LRP1B: variants seen among roughly 807,000 people sequenced by gnomAD.
LRP1B encodes the protein low-density lipoprotein receptor-related protein 1B.
A neutral mutation model predicts 556.6 loss-of-function variants in LRP1B; 217 were observed. The observed-to-expected ratio is 0.39, with a 90% CI of 0.35 to 0.44. The LOEUF (loss-of-function observed/expected upper bound fraction) is 0.44, where lower values mean the gene tolerates loss of function less well. Among genes scored for constraint, LRP1B ranks in the 20% least tolerant of loss-of-function variants. The pLI is 1.00. For synonymous variants in LRP1B, 2,047 were observed against 1,865.8 expected (o/e 1.10, Z -2.50); for missense variants, 5,053 against 5,620.8 (o/e 0.90, Z 3.23).
intron 41 of LRP1B, among the ~76,000 whole-genome samples, chr2:140,615,808 C>G (rs1011502481): frequency 6.6e-6 from 1 of 150,722 alleles, no homozygotes; most frequent in Non-Finnish European, 1.5e-5. Context: ...TAATATTTTG[C>G]CCAAACTGCT....
intron 32 of LRP1B, among the ~76,000 whole-genome samples, chr2:140,808,937 T>C (rs1304689544): frequency 7.9e-5 from 12 of 152,178 alleles, no homozygotes; most frequent in Non-Finnish European, 1.5e-5. Flanking sequence ...AAGGGGCTTA[T>C]TCTCCTCTGT....
intron 1 of LRP1B, among the ~76,000 whole-genome samples, chr2:141,839,051 A>G (rs1697380265): frequency 6.6e-6 from 1 of 152,194 alleles, no homozygotes; most frequent in Non-Finnish European, 1.5e-5. Flanking sequence ...ATATGCTTAC[A>G]TTGATAGGTA....
intron 7 of LRP1B, among the ~76,000 whole-genome samples, chr2:141,175,396 T>A (rs1222593663): frequency 2.0e-5 from 3 of 152,168 alleles, no homozygotes; most frequent in Non-Finnish European, 4.4e-5. Flanking sequence ...CTATGCAGCC[T>A]TGGGACTTGA....
At chr2:140,660,077 AAGTGT>A (rs1685035979) in intron 41 of LRP1B, among the ~76,000 whole-genome samples, 1 of 152,016 alleles carries the variant, frequency 6.6e-6, no homozygotes, top group South Asian at 2.1e-4. Flanking sequence ...GTTTTTCAAA[AAGTGT>A]ATATTATTAG....
chr2:140,716,764 A>C lies in LRP1B; in HGVS notation c.5811T>G (p.Ala1937=), dbSNP rs1320588785. Reference sequence around the variant, plus strand: ...CTTCTTTCCAAGTCTGATCTCTTTTAGCTCTGCTAATTTTATTGAAGCCCA... The same window carrying C: ...CTTCTTTCCAAGTCTGATCTCTTTTCGCTCTGCTAATTTTATTGAAGCCCA... ...TDMGFNKISR[A]KRDQTWKEDI... is the part of the protein sequence containing the mutation. The change falls in exon 36 of 91, where the codon GCT becomes GCG. Residue 1937 remains alanine, a synonymous_variant. Transcript: ENST00000389484. The C allele has an allele frequency of 1.2e-6, 2 of 1,610,080 alleles. No individual in the cohort carries two copies. Among genetic ancestry groups the C allele is most frequent in the South Asian group, 2.2e-5 (2 of 90,948 alleles).
chr2:141,818,031 A>C (rs1466115713), intron 1 of LRP1B, among the ~76,000 whole-genome samples: 4 of 152,194 alleles, frequency 2.6e-5, no homozygotes, highest in African/African-American at 9.6e-5. Flanking sequence ...AAACACTGTG[A>C]CTTATGTTTT....
chr2:142,058,928 A>C (rs1390645942), intron 1 of LRP1B, among the ~76,000 whole-genome samples: 3 of 152,076 alleles, frequency 2.0e-5, no homozygotes, highest in Non-Finnish European at 4.4e-5. Flanking sequence ...TTTTTCTACC[A>C]CAAGTTCCAC....
chr2:140,939,757 C>T (rs1296151529), intron 20 of LRP1B, among the ~76,000 whole-genome samples: 1 of 151,544 alleles, frequency 6.6e-6, no homozygotes, highest in African/African-American at 2.4e-5. Flanking sequence ...GTCCCCTCAA[C>T]ATGAAAATCC....
At position 141,826,405 on chromosome 2, in the gene LRP1B, G is replaced by A. The variant is rs1696927286; in HGVS notation, c.83-16004C>T. On this transcript the variant is annotated intron_variant, in intron 1 of 90. Coordinates refer to ENST00000389484, the MANE Select transcript of LRP1B (RefSeq NM_018557.3). ...GACGGAGTCTCGCTCTGTCCCCCAG[G>A]CTGGAGTGCAGTGGCGCCATCTCGG... is the stretch of plus-strand genomic sequence containing the variant. Among the ~76,000 whole-genome samples, 3 of 133,234 alleles carry A rather than the reference G, an allele frequency of 2.3e-5. No individual in the cohort carries two copies. The Admixed American group carries it at 2.6e-4, about 12-fold the overall frequency. The allele number at this position is 133,234 out of a possible 152,430, so 87.4% of individuals were successfully genotyped here.
intron 84 of LRP1B, among the ~76,000 whole-genome samples, chr2:140,285,232 T>A (rs1005480921): frequency 6.6e-6 from 1 of 150,740 alleles, no homozygotes; most frequent in African/African-American, 2.4e-5. Flanking sequence ...TAGATAGGTA[T>A]ATGTATCTAC....
chr2:141,795,868 A>G (rs1245155852), intron 2 of LRP1B, among the ~76,000 whole-genome samples: 1 of 79,476 alleles, frequency 1.3e-5, no homozygotes, highest in African/African-American at 4.6e-5. Context: ...ATATATATAT[A>G]TATATATATA....
intron 2 of LRP1B, among the ~76,000 whole-genome samples, chr2:141,765,434 C>T (rs1558861046): frequency 6.6e-6 from 1 of 151,458 alleles, no homozygotes; most frequent in Non-Finnish European, 1.5e-5. Flanking sequence ...CAGTTTAATT[C>T]AGAAACAATT....
intron 2 of LRP1B, among the ~76,000 whole-genome samples, chr2:141,481,505 C>T (rs1682917278): frequency 1.3e-5 from 2 of 152,284 alleles, no homozygotes; most frequent in Middle Eastern, 3.4e-3. Context: ...AATCAGAACT[C>T]TGCCGAATCC....
chr2:141,903,856 T>C (rs935518998), intron 1 of LRP1B, among the ~76,000 whole-genome samples: 1 of 151,994 alleles, frequency 6.6e-6, no homozygotes, highest in African/African-American at 2.4e-5. Flanking sequence ...ATGTAACTGA[T>C]GGACCAGTTA....
intron 6 of LRP1B, among the ~76,000 whole-genome samples, chr2:141,190,949 C>A (rs1473433132): frequency 6.6e-6 from 1 of 151,956 alleles, no homozygotes; most frequent in Admixed American, 6.6e-5. Context: ...CTAACCTTAT[C>A]CTTCTCCCCT....
chr2:141,724,789 A>T (rs1692967656), intron 2 of LRP1B, among the ~76,000 whole-genome samples: 1 of 152,036 alleles, frequency 6.6e-6, no homozygotes, highest in South Asian at 2.1e-4. Context: ...TTTTGTGTTC[A>T]TCAGAACAAT....
chr2:141,688,400 T>A (rs962728096), intron 2 of LRP1B, among the ~76,000 whole-genome samples: 9 of 151,906 alleles, frequency 5.9e-5, no homozygotes, highest in Non-Finnish European at 1.0e-4. Flanking sequence ...TCTATTACTA[T>A]TTATTCATAC....
chr2:141,503,340 G>A (rs943243273), intron 2 of LRP1B, among the ~76,000 whole-genome samples: 4 of 150,270 alleles, frequency 2.7e-5, no homozygotes, highest in Admixed American at 6.7e-5. Context: ...CAGGAAACCT[G>A]GACCCAGTTG....
chr2:141,839,628 TGA>T (rs1697398714), intron 1 of LRP1B, among the ~76,000 whole-genome samples: 1 of 152,162 alleles, frequency 6.6e-6, no homozygotes, highest in Admixed American at 6.5e-5. Flanking sequence ...TTGACTATAC[TGA>T]GACACTTGAA....
Sources: allele counts gnomAD v4.1 joint callset (sites outside exome capture counted in the v4.1 genomes callset), GRCh38; gene constraint gnomAD v4.1.1; transcripts MANE v1.5; gene names NCBI Gene and HGNC (gene_info 2026-07-23, HGNC 2026-07-21).